DIAPH2: variants seen among roughly 807,000 people sequenced by gnomAD.
DIAPH2 encodes diaphanous related formin 2.
In DIAPH2, 35 loss-of-function variants were observed where a neutral mutation model predicts 92.7. That is an observed-to-expected ratio of 0.38 (90% CI 0.29 to 0.50). The LOEUF is 0.50. Ranked by LOEUF, DIAPH2 falls within the 20% of genes least tolerant of loss-of-function variation. DIAPH2 has a pLI of 0.94. For synonymous variants in DIAPH2, 301 were observed against 280.4 expected (o/e 1.07, Z -0.73); for missense variants, 701 against 819.5 (o/e 0.86, Z 1.77).
chrX:96,914,878 C>A (rs1473203484), intron 7 of DIAPH2, among the ~76,000 whole-genome samples: 1 of 111,142 alleles, frequency 9.0e-6, no homozygotes, highest in African/African-American at 3.3e-5. Flanking sequence ...ATAAAATATG[C>A]CTTCAGAATA....
At chrX:97,463,957 T>A (rs2147804151) in intron 26 of DIAPH2, among the ~76,000 whole-genome samples, 1 of 110,912 alleles carries the variant, frequency 9.0e-6, no homozygotes, top group East Asian at 2.8e-4. Flanking sequence ...TAATTTTTTT[T>A]ATTGACAAAC....
intron 23 of DIAPH2, among the ~76,000 whole-genome samples, chrX:97,302,518 C>T (rs1197024683): frequency 1.8e-5 from 2 of 108,542 alleles, no homozygotes; most frequent in East Asian, 2.9e-4. Flanking sequence ...GCAGCAAGAG[C>T]AAAACTCTAT....
chrX:97,447,780 A>G (rs748933741), intron 26 of DIAPH2, among the ~76,000 whole-genome samples: 9 of 111,746 alleles, frequency 8.1e-5, no homozygotes, highest in Non-Finnish European at 1.5e-4. Context: ...GCCAAATGAA[A>G]AGGTTTTTTA....
intron 16 of DIAPH2, among the ~76,000 whole-genome samples, chrX:96,961,532 T>A (rs981156876): frequency 1.8e-5 from 2 of 108,874 alleles, no homozygotes; most frequent in Non-Finnish European, 1.9e-5. Context: ...CTGGCTCAGT[T>A]CTGCTCTGAT....
intron 22 of DIAPH2, among the ~76,000 whole-genome samples, chrX:97,161,241 T>TCTC (rs2067370324): frequency 9.1e-6 from 1 of 110,052 alleles, no homozygotes; most frequent in South Asian, 3.9e-4. Flanking sequence ...GCCTTACTTT[T>TCTC]CTCTTCCTTA....
intron 5 of DIAPH2, among the ~76,000 whole-genome samples, chrX:96,887,597 A>C (rs2065272126): frequency 8.9e-6 from 1 of 112,059 alleles, no homozygotes; most frequent in Non-Finnish European, 1.9e-5. Context: ...TTCAAGGCCA[A>C]TATAATAATC....
chrX:96,821,271 A>C (rs948105742), intron 4 of DIAPH2, among the ~76,000 whole-genome samples: 2 of 112,586 alleles, frequency 1.8e-5, no homozygotes, highest in African/African-American at 6.4e-5. Flanking sequence ...AAACACAGGC[A>C]ATCTAATGTT....
intron 19 of DIAPH2, among the ~76,000 whole-genome samples, chrX:97,095,397 T>C (rs900563970): frequency 2.3e-4 from 25 of 108,207 alleles, no homozygotes; most frequent in Non-Finnish European, 4.2e-4. Context: ...ATTACAGGCG[T>C]GAGCCACCGC....
At chrX:96,853,382 A>C (rs1161394525) in intron 4 of DIAPH2, among the ~76,000 whole-genome samples, 1 of 111,885 alleles carries the variant, frequency 8.9e-6, no homozygotes, top group African/African-American at 3.2e-5. Flanking sequence ...ACATGACAGC[A>C]TTAGAAAATA....
intron 22 of DIAPH2, among the ~76,000 whole-genome samples, chrX:97,245,324 A>T (rs983253095): frequency 9.2e-6 from 1 of 109,025 alleles, no homozygotes; most frequent in Admixed American, 9.9e-5. Flanking sequence ...TTATTTATTT[A>T]TTTATTTAAG....
intron 13 of DIAPH2, among the ~76,000 whole-genome samples, chrX:96,944,475 T>C (rs1026364385): frequency 9.5e-6 from 1 of 105,161 alleles, no homozygotes; most frequent in Non-Finnish European, 1.9e-5. Context: ...ATAATCCTGT[T>C]ACCCCCTAAC....
At chrX:97,270,429 G>A (rs2068376971) in intron 23 of DIAPH2, among the ~76,000 whole-genome samples, 1 of 111,988 alleles carries the variant, frequency 8.9e-6, no homozygotes, top group Non-Finnish European at 1.9e-5. Context: ...GGACTAAGTT[G>A]CCCAAGGTCA....
intron 25 of DIAPH2, among the ~76,000 whole-genome samples, chrX:97,406,593 C>T (rs922210897): frequency 2.7e-5 from 3 of 111,640 alleles, no homozygotes; most frequent in South Asian, 3.7e-4. Context: ...GGATTCCATA[C>T]GTCGTAAGAG....
rs780799839 is a variant in DIAPH2 at position 96,843,886 on chromosome X, A to T, written c.448-37693A>T. Among the ~76,000 whole-genome samples, 4 of 111,861 alleles carry T rather than the reference A, an allele frequency of 3.6e-5. No homozygotes were observed. The East Asian group carries it at 1.1e-3, about 32-fold the overall frequency. ...ACTGAATGTATGAAAGCTTTTAGTA[A>T]TTAGCATATCAATTATTTGTCCATA... On this transcript the variant is annotated intron_variant, in intron 4 of 26. Coordinates refer to ENST00000324765, the MANE Select transcript of DIAPH2 (RefSeq NM_006729.5).
At chrX:97,239,814 C>T (rs2068076783) in intron 22 of DIAPH2, among the ~76,000 whole-genome samples, 1 of 108,002 alleles carries the variant, frequency 9.3e-6, no homozygotes, top group East Asian at 3.0e-4. Context: ...ACCATCATCA[C>T]CCTGCAACCT....
At chrX:96,860,852 C>G (rs1489804841) in intron 4 of DIAPH2, among the ~76,000 whole-genome samples, 1 of 111,304 alleles carries the variant, frequency 9.0e-6, no homozygotes, top group East Asian at 2.8e-4. Flanking sequence ...CAGTTATGTA[C>G]AATGTAATTA....
intron 26 of DIAPH2, among the ~76,000 whole-genome samples, chrX:97,549,814 A>G (rs780030448): frequency 8.9e-6 from 1 of 111,932 alleles, no homozygotes; most frequent in Admixed American, 9.5e-5. Context: ...GGAAACATCA[A>G]GCAAATCCGC....
chrX:96,770,122 C>T (rs749691886), intron 4 of DIAPH2, among the ~76,000 whole-genome samples: 5 of 108,676 alleles, frequency 4.6e-5, no homozygotes, highest in Non-Finnish European at 7.6e-5. Flanking sequence ...TGCTTGAACC[C>T]GGGAGGCAGA....
chrX:97,155,793 C>T (rs1322261270), intron 22 of DIAPH2, among the ~76,000 whole-genome samples: 1 of 111,588 alleles, frequency 9.0e-6, no homozygotes, highest in Admixed American at 9.6e-5. Context: ...CTTTAAAACA[C>T]ACTCAAAATA....
Sources: gnomAD v4.1 joint callset for allele counts (sites outside exome capture counted in the v4.1 genomes callset) on GRCh38, gnomAD v4.1.1 for gene constraint, MANE v1.5 for transcripts, NCBI Gene and HGNC (gene_info 2026-07-23, HGNC 2026-07-21) for gene names.